LDB2: variants seen among roughly 807,000 people sequenced by gnomAD.
LDB2 encodes the protein LIM domain-binding protein 2.
LDB2 carries 12 observed loss-of-function variants against 44.3 expected under a neutral mutation model. That is an observed-to-expected ratio of 0.27 (90% CI 0.17 to 0.44). The LOEUF (loss-of-function observed/expected upper bound fraction) is 0.44, where lower values mean the gene tolerates loss of function less well. Among genes scored for constraint, LDB2 ranks in the 20% least tolerant of loss-of-function variants. LDB2 has a pLI of 1.00. For synonymous variants in LDB2, 164 were observed against 174.8 expected (o/e 0.94, Z 0.49); for missense variants, 344 against 473.5 (o/e 0.73, Z 2.54).
intron 1 of LDB2, among the ~76,000 whole-genome samples, chr4:16,796,389 G>T (rs2109680115): frequency 6.6e-6 from 1 of 152,308 alleles, no homozygotes. Flanking sequence ...CAGTAGCAAT[G>T]AGTGACCAAA....
chr4:16,707,507 C>T (rs766718510), intron 2 of LDB2, among the ~76,000 whole-genome samples: 6 of 152,148 alleles, frequency 3.9e-5, no homozygotes, highest in African/African-American at 9.7e-5. Context: ...CAATAGCAAA[C>T]TAAAATCATT....
Position 16,588,748 on chromosome 4 carries a change from A to G in LDB2, c.493T>C (p.Tyr165His), listed in dbSNP as rs1717887096. Residue 165 changes from tyrosine (Y) to histidine (H), a missense_variant, in exon 4 of 8, where the codon TAC becomes CAC. Physicochemically the swap from Tyr to His is moderately conservative, Grantham distance 83. Coordinates refer to ENST00000304523, the MANE Select transcript of LDB2 (RefSeq NM_001290.5). ...IKTWHFTIRQ[Y>H]RELVPRSILA... ...ATGCTTCTCGGGACTAACTCTCGGTATTGTCTAATGGTAAAGTGCCATGTT... is the reference window on the plus strand; with the variant it reads ...ATGCTTCTCGGGACTAACTCTCGGTGTTGTCTAATGGTAAAGTGCCATGTT... 1 of 1,613,904 alleles carries G rather than the reference A, an allele frequency of 6.2e-7. No individual in the cohort carries two copies. The highest frequency in any genetic ancestry group is 1.3e-5 in the African/African-American group (1 of 75,056).
At chr4:16,512,159 T>C in intron 5 of LDB2, 55 bp from the exon 6 acceptor site, 2 of 1,444,202 alleles carry the variant, frequency 1.4e-6, no homozygotes, top group South Asian at 1.5e-5. Flanking sequence ...CTAATTACAA[T>C]AAATAATGCT....
At chr4:16,736,771 G>C (rs957950911) in intron 2 of LDB2, among the ~76,000 whole-genome samples, 1 of 151,938 alleles carries the variant, frequency 6.6e-6, no homozygotes, top group Non-Finnish European at 1.5e-5. Context: ...GTTTATAGGA[G>C]GTAACATAAA....
At chr4:16,553,960 G>A (rs1259301039) in intron 5 of LDB2, among the ~76,000 whole-genome samples, 1 of 151,924 alleles carries the variant, frequency 6.6e-6, no homozygotes. Flanking sequence ...GTCTGGATAT[G>A]ACACCACCAC....
intron 1 of LDB2, among the ~76,000 whole-genome samples, chr4:16,794,302 T>C (rs1346817724): frequency 6.6e-6 from 1 of 152,196 alleles, no homozygotes; most frequent in Non-Finnish European, 1.5e-5. Context: ...AGGGGGTATC[T>C]TGGCTAAGGG....
chr4:16,832,535 G>T (rs1784245480), intron 1 of LDB2, among the ~76,000 whole-genome samples: 1 of 152,158 alleles, frequency 6.6e-6, no homozygotes, highest in African/African-American at 2.4e-5. Context: ...CTTTTTTAGA[G>T]AAAATGTTTA....
intron 5 of LDB2, among the ~76,000 whole-genome samples, chr4:16,578,168 A>G (rs1712579000): frequency 6.6e-6 from 1 of 152,172 alleles, no homozygotes; most frequent in African/African-American, 2.4e-5. Flanking sequence ...AGACTTCTTG[A>G]CCAATACCCC....
Position 16,576,348 on chromosome 4 carries a change from T to A in LDB2, c.615+9574A>T, listed in dbSNP as rs193123925. 7.8e-3 allele frequency among the ~76,000 whole-genome samples: 1,150 copies of A among 147,500 alleles called. 22 individuals carry two copies. Among genetic ancestry groups the A allele is most frequent in the African/African-American group, 0.024 (972 of 40,352 alleles). On this transcript the variant is annotated intron_variant, in intron 5 of 7. Transcript: ENST00000304523. ...ATTAGAAAAACCTTGAGCCAGATTT[T>A]AAAAAAAAAAGACAGTAGAACCAAA... is the stretch of plus-strand genomic sequence containing the variant.
At chr4:16,889,517 G>C (rs752914961) in intron 1 of LDB2, 1 of 152,102 alleles carries the variant, frequency 6.6e-6, no homozygotes, top group Non-Finnish European at 1.5e-5. Flanking sequence ...CTTGACGTGC[G>C]TTCTAGCAGT....
chr4:16,858,344 T>G (rs1789791704), intron 1 of LDB2, among the ~76,000 whole-genome samples: 1 of 152,180 alleles, frequency 6.6e-6, no homozygotes, highest in Non-Finnish European at 1.5e-5. Context: ...AATTCCTGTT[T>G]ACATTATTGC....
At chr4:16,516,342 G>C (rs1723729483) in intron 5 of LDB2, among the ~76,000 whole-genome samples, 1 of 152,138 alleles carries the variant, frequency 6.6e-6, no homozygotes, top group African/African-American at 2.4e-5. Context: ...TTATATATTA[G>C]CAAGCATGCA....
At position 16,656,210 on chromosome 4, in the gene LDB2, T is replaced by A. The variant is rs953357837; in HGVS notation, c.236-60335A>T. Among the ~76,000 whole-genome samples the A allele has an allele frequency of 4.6e-5, 7 of 152,326 alleles. No homozygotes were observed. In the East Asian group the frequency reaches 1.4e-3, roughly 29 times the overall value. ...CCACCGCACCTGGCCCAAGAAAACGTCCTTTAAAAATGTAATCTTGTTCCT... is the reference window on the plus strand; with the variant it reads ...CCACCGCACCTGGCCCAAGAAAACGACCTTTAAAAATGTAATCTTGTTCCT... On this transcript the variant is annotated intron_variant, in intron 2 of 7. Coordinates refer to ENST00000304523, the MANE Select transcript of LDB2 (RefSeq NM_001290.5).
chr4:16,708,258 A>C (rs992086063), intron 2 of LDB2, among the ~76,000 whole-genome samples: 1 of 152,016 alleles, frequency 6.6e-6, no homozygotes, highest in African/African-American at 2.4e-5. Flanking sequence ...GAAGTGGGAG[A>C]ATTGTTTGAG....
chr4:16,772,579 T>A (rs951725182), intron 1 of LDB2, among the ~76,000 whole-genome samples: 1 of 152,216 alleles, frequency 6.6e-6, no homozygotes, highest in Non-Finnish European at 1.5e-5. Context: ...AATAAATATA[T>A]GCTGTGAATT....
At chr4:16,674,453 G>A (rs183536282) in intron 2 of LDB2, 6 of 399,864 alleles carry the variant, frequency 1.5e-5, no homozygotes, top group East Asian at 7.2e-5. Context: ...GAGTGTCCAC[G>A]TATTGGGCTC....
At chr4:16,735,848 G>A (rs1394830588) in intron 2 of LDB2, among the ~76,000 whole-genome samples, 1 of 152,210 alleles carries the variant, frequency 6.6e-6, no homozygotes, top group East Asian at 1.9e-4. Context: ...AATAAAGACT[G>A]AGAAACTGTC....
intron 1 of LDB2, among the ~76,000 whole-genome samples, chr4:16,866,180 T>A (rs1306250634): frequency 6.6e-6 from 1 of 151,972 alleles, no homozygotes; most frequent in Non-Finnish European, 1.5e-5. Context: ...TTAAAAACAA[T>A]CAGTACACAA....
intron 2 of LDB2, among the ~76,000 whole-genome samples, chr4:16,738,472 T>C (rs1467007601): frequency 1.3e-5 from 2 of 152,238 alleles, no homozygotes; most frequent in African/African-American, 4.8e-5. Flanking sequence ...TATTTTTCTA[T>C]AGCCTTCACA....
Sources: gnomAD v4.1 joint callset for allele counts (sites outside exome capture counted in the v4.1 genomes callset) on GRCh38, gnomAD v4.1.1 for gene constraint, MANE v1.5 for transcripts, NCBI Gene and HGNC (gene_info 2026-07-23, HGNC 2026-07-21) for gene names.